The following NRG3 variants were observed in gnomAD, a reference collection of about 807,000 sequenced individuals.
NRG3 encodes pro-neuregulin-3, membrane-bound isoform.
In NRG3, 31 loss-of-function variants were observed where a neutral mutation model predicts 66.9. The ratio of observed to expected loss-of-function variants is 0.46; its 90% CI spans 0.35 to 0.63. NRG3 has a LOEUF of 0.63. Ranked by LOEUF, NRG3 falls within the 20% of genes least tolerant of loss-of-function variation. The pLI is 0.00. For missense variants in NRG3, 910 were observed against 878.9 expected, an observed-to-expected ratio of 1.04 and a Z score of -0.45; for synonymous variants, 393 against 359.4, an observed-to-expected ratio of 1.09 and a Z score of -1.06.
At chr10:82,713,217 C>A (rs745918126) in intron 2 of NRG3, among the ~76,000 whole-genome samples, 10 of 150,840 alleles carry the variant, frequency 6.6e-5, no homozygotes, top group Non-Finnish European at 1.5e-4. Flanking sequence ...CGTAAGCACT[C>A]TGTCTTCCAT....
chr10:82,539,033 A>T (rs2043352749), intron 2 of NRG3, among the ~76,000 whole-genome samples: 1 of 152,160 alleles, frequency 6.6e-6, no homozygotes, highest in Non-Finnish European at 1.5e-5. Flanking sequence ...ATCCCGCAAG[A>T]TTGGATTTAC....
At chr10:82,310,919 G>C (rs1309367255) in intron 1 of NRG3, among the ~76,000 whole-genome samples, 1 of 152,182 alleles carries the variant, frequency 6.6e-6, no homozygotes. Context: ...AGCCAATGTA[G>C]CCAAACTTGG....
chr10:82,904,327 A>G (rs1564618416), intron 4 of NRG3, among the ~76,000 whole-genome samples: 1 of 152,174 alleles, frequency 6.6e-6, no homozygotes, highest in Non-Finnish European at 1.5e-5. Flanking sequence ...CCCTGGTGTA[A>G]GAGATGGTGG....
In NRG3 at chr10:82,364,637, G is replaced by A. The variant is rs548840792; in HGVS notation, c.953+5769G>A. Among the ~76,000 whole-genome samples the A allele has an allele frequency of 3.3e-5, 5 of 152,260 alleles. No homozygotes were observed. The South Asian group carries it at 6.2e-4, about 19-fold the overall frequency. On this transcript the variant is annotated intron_variant, in intron 2 of 8. Transcript: ENST00000372141. The stretch of plus-strand genomic sequence containing the variant: ...TTTTAAGACCAAATTCAAGTAAAAA[G>A]GATGTGTCTCTTCTGAACTGAAGCT...
rs564478871 is a variant in NRG3 at position 82,315,822 on chromosome 10, C to T, written c.824-42917C>T. On this transcript the variant is annotated intron_variant, in intron 1 of 8. Coordinates refer to ENST00000372141, the MANE Select transcript of NRG3 (RefSeq NM_001010848.4). ...CTGGGATTACAGGTGTCCACCACCACACCCGGCTAGTTTTTATATTTTTAG... is the reference window on the plus strand; with the variant it reads ...CTGGGATTACAGGTGTCCACCACCATACCCGGCTAGTTTTTATATTTTTAG... 7.9e-5 allele frequency among the ~76,000 whole-genome samples: 12 copies of T among 152,172 alleles called. No individual in the cohort carries two copies. The East Asian group carries it at 2.1e-3, about 27-fold the overall frequency.
At chr10:81,968,156 G>C (rs1472524572) in intron 1 of NRG3, among the ~76,000 whole-genome samples, 1 of 152,122 alleles carries the variant, frequency 6.6e-6, no homozygotes, top group Non-Finnish European at 1.5e-5. Context: ...CTTTTGTTTT[G>C]GGCAAGGAGA....
intron 1 of NRG3, among the ~76,000 whole-genome samples, chr10:82,061,102 C>G (rs1218028345): frequency 1.3e-5 from 2 of 152,168 alleles, no homozygotes; most frequent in African/African-American, 4.8e-5. Context: ...TCTGTAATGC[C>G]AGCACTTTGG....
At chr10:82,358,946 T>C in intron 2 of NRG3, 78 bp downstream of exon 2, 2 of 1,590,814 alleles carry the variant, frequency 1.3e-6, no homozygotes, top group South Asian at 2.2e-5. Flanking sequence ...CAGCATCTGG[T>C]ATGTGTCATA....
chr10:82,694,040 AT>A (rs1316358269), intron 2 of NRG3, among the ~76,000 whole-genome samples: 2 of 152,022 alleles, frequency 1.3e-5, no homozygotes, highest in South Asian at 2.1e-4. Flanking sequence ...TGATTGGTGC[AT>A]TTTTACAGAG....
chr10:82,228,270 G>T (rs1206568593), intron 1 of NRG3, among the ~76,000 whole-genome samples: 3 of 152,212 alleles, frequency 2.0e-5, no homozygotes, highest in African/African-American at 7.2e-5. Flanking sequence ...TGTGGGTGTT[G>T]TAGAGTTGAA....
intron 1 of NRG3, among the ~76,000 whole-genome samples, chr10:82,020,601 C>A (rs933854083): frequency 1.4e-4 from 22 of 152,042 alleles, no homozygotes; most frequent in Non-Finnish European, 4.4e-5. Flanking sequence ...CTTTCATAAT[C>A]CTAAACTGGT....
intron 2 of NRG3, among the ~76,000 whole-genome samples, chr10:82,438,929 G>GT (rs555348295): frequency 0.017 from 2,474 of 143,704 alleles, 21 homozygotes; most frequent in Non-Finnish European, 0.019. Flanking sequence ...TGCTTATTAT[G>GT]TTTTTTTTTT....
chr10:81,947,571 C>T (rs1848960290), intron 1 of NRG3, among the ~76,000 whole-genome samples: 2 of 152,010 alleles, frequency 1.3e-5, no homozygotes, highest in African/African-American at 4.8e-5. Context: ...ATTTGTATAA[C>T]CTTTGTGCTA....
chr10:82,069,867 C>T (rs1311018789), intron 1 of NRG3, among the ~76,000 whole-genome samples: 3 of 152,174 alleles, frequency 2.0e-5, no homozygotes, highest in Non-Finnish European at 4.4e-5. Flanking sequence ...ACAGAAACTT[C>T]ACCTGCCTTT....
At chr10:82,718,505 A>G (rs111532469) in intron 2 of NRG3, among the ~76,000 whole-genome samples, 4,712 of 152,280 alleles carry the variant, frequency 0.031, 271 homozygotes, top group African/African-American at 0.11. Context: ...AAGTTTTTCA[A>G]TTTTTGACAA....
intron 4 of NRG3, among the ~76,000 whole-genome samples, chr10:82,890,017 A>G (rs764591324): frequency 1.3e-5 from 2 of 152,168 alleles, no homozygotes; most frequent in African/African-American, 4.8e-5. Flanking sequence ...GGTGACAGCA[A>G]GCCAAGAAAG....
chr10:82,047,759 T>G (rs1393078850), intron 1 of NRG3, among the ~76,000 whole-genome samples: 1 of 151,442 alleles, frequency 6.6e-6, no homozygotes, highest in African/African-American at 2.4e-5. Context: ...AATATTAACT[T>G]TAAATGTAAA....
chr10:82,111,602 C>T (rs2067390541), intron 1 of NRG3, among the ~76,000 whole-genome samples: 1 of 152,076 alleles, frequency 6.6e-6, no homozygotes, highest in Non-Finnish European at 1.5e-5. Context: ...CAAGATCTAT[C>T]CATGAACTCT....
chr10:82,123,967 C>G (rs1454820380), intron 1 of NRG3, among the ~76,000 whole-genome samples: 1 of 151,866 alleles, frequency 6.6e-6, no homozygotes, highest in Admixed American at 6.6e-5. Flanking sequence ...CTATTCTCAC[C>G]CCCTTCAATG....
Sources: allele counts gnomAD v4.1 joint callset (sites outside exome capture counted in the v4.1 genomes callset), GRCh38; gene constraint gnomAD v4.1.1; transcripts MANE v1.5; gene names NCBI Gene and HGNC (gene_info 2026-07-23, HGNC 2026-07-21).